Variants in CATSPERE observed in about 807,000 individuals in gnomAD.
CATSPERE encodes cation channel sperm-associated auxiliary subunit epsilon.
CATSPERE carries 93 observed loss-of-function variants against 114.1 expected under a neutral mutation model. The ratio of observed to expected loss-of-function variants is 0.81; its 90% CI spans 0.69 to 0.97. CATSPERE has a LOEUF of 0.97. CATSPERE is among the 50% of genes least tolerant of loss of function. CATSPERE has a pLI of 0.00. For missense variants in CATSPERE, 1,058 were observed against 1,131.6 expected, an observed-to-expected ratio of 0.93 and a Z score of 0.93; for synonymous variants, 341 against 384.1, an observed-to-expected ratio of 0.89 and a Z score of 1.31.
chr1:244,583,195 ATGTT>A (rs978737004), intron 12 of CATSPERE, among the ~76,000 whole-genome samples: 40 of 152,002 alleles, frequency 2.6e-4, no homozygotes, highest in African/African-American at 7.5e-4. Context: ...GACACTTTTT[ATGTT>A]TGTTTGTCCT....
chr1:244,580,368 T>C (rs1245468700), intron 11 of CATSPERE, among the ~76,000 whole-genome samples: 1 of 152,062 alleles, frequency 6.6e-6, no homozygotes, highest in Non-Finnish European at 1.5e-5. Context: ...CTATAGGAAT[T>C]GAGGCTCAAT....
At chr1:244,499,386 C>T (rs1264537875) in intron 7 of CATSPERE, among the ~76,000 whole-genome samples, 1 of 151,768 alleles carries the variant, frequency 6.6e-6, no homozygotes, top group Non-Finnish European at 1.5e-5. Flanking sequence ...GCAGTTTTGT[C>T]ACATAGGTAT....
intron 19 of CATSPERE, among the ~76,000 whole-genome samples, chr1:244,613,211 T>C (rs1202359855): frequency 6.6e-6 from 1 of 152,174 alleles, no homozygotes; most frequent in African/African-American, 2.4e-5. Context: ...AGTAACTTGG[T>C]AGGACAAGTT....
At chr1:244,456,902 AAC>A (rs1166303697), upstream of CATSPERE, among the ~76,000 whole-genome samples, 1 of 152,218 alleles carries the variant, frequency 6.6e-6, no homozygotes, top group African/African-American at 2.4e-5. Flanking sequence ...TTACTGGAGA[AAC>A]AGTTTTACAT....
chr1:244,639,924 TCAGTCCAAG>T lies in CATSPERE; in HGVS notation c.2703-3_2708del. On this transcript the variant is annotated splice_acceptor_variant and splice_polypyrimidine_tract_variant and coding_sequence_variant and intron_variant, in exon 22 of 22. Coordinates refer to ENST00000366534, the MANE Select transcript of CATSPERE (RefSeq NM_001130957.2). LOFTEE classifies it high-confidence loss of function. ...ATGCCTTTTTTTTTTTTTTCTGATT[TCAGTCCAAG>T]TGTCTACCTGGTAGCTTCTTTCCTC... 1 of 1,528,242 alleles carries T rather than the reference TCAGTCCAAG, an allele frequency of 6.5e-7. No individual in the cohort carries two copies. 94.7% of individuals were successfully genotyped at this position (1,528,242 alleles called of 1,614,324 possible). A position where few individuals can be genotyped will look rare whatever the true frequency, so the allele number is the denominator to read the frequency against.
chr1:244,451,909 G>A, upstream of CATSPERE: 1 of 1,318,068 alleles, frequency 7.6e-7, no homozygotes, highest in Non-Finnish European at 1.0e-6. This position sits in a 1 kb window ranked among gnomAD's most constrained non-coding sequence, Gnocchi z 6.6. Flanking sequence ...CACATGCAGA[G>A]GAAGAAGGAG....
intron 2 of CATSPERE, among the ~76,000 whole-genome samples, chr1:244,474,301 G>T (rs1407663994): frequency 6.6e-6 from 1 of 151,932 alleles, no homozygotes; most frequent in Non-Finnish European, 1.5e-5. Context: ...CAAAGTACTG[G>T]GATTATAGGC....
intron 7 of CATSPERE, among the ~76,000 whole-genome samples, chr1:244,514,244 T>C (rs1328836243): frequency 6.6e-6 from 1 of 152,200 alleles, no homozygotes; most frequent in African/African-American, 2.4e-5. Context: ...GAATTAACTA[T>C]TGATAATGCC....
At chr1:244,605,913 A>T (rs1669927516) in intron 18 of CATSPERE, 119 bp downstream of exon 18, 1 of 575,638 alleles carries the variant, frequency 1.7e-6, no homozygotes, top group Non-Finnish European at 2.9e-6. Flanking sequence ...GGTAGGAAAA[A>T]AATCACCTCT....
chr1:244,484,504 T>C (rs543406600), intron 5 of CATSPERE, among the ~76,000 whole-genome samples: 43 of 152,362 alleles, frequency 2.8e-4, no homozygotes, highest in African/African-American at 9.4e-4. Context: ...AGCGGTCTTA[T>C]GCATCTTCTG....
In CATSPERE at chr1:244,583,928, A is replaced by G. The variant is rs376236993; in HGVS notation, c.2074A>G (p.Ile692Val). ...RPSEYSKACPIAQKVFQIAVG... is the reference protein window; with the variant it reads ...RPSEYSKACPVAQKVFQIAVG... ...TAGTGAATATTCAAAAGCATGTCCAATAGCCCAAAAGGTAAGCGACATGGG... is the reference window on the plus strand; with the variant it reads ...TAGTGAATATTCAAAAGCATGTCCAGTAGCCCAAAAGGTAAGCGACATGGG... Residue 692 changes from isoleucine (I) to valine (V), a missense_variant, in exon 13 of 22, where the codon ATA becomes GTA. Physicochemically the swap from Ile to Val is conservative, Grantham distance 29. This residue lies in a region of CATSPERE where 787 missense variants were observed against 905.6 expected (regional missense o/e 0.87). Coordinates refer to ENST00000366534, the MANE Select transcript of CATSPERE (RefSeq NM_001130957.2). 43 of 1,613,988 alleles carry G rather than the reference A, an allele frequency of 2.7e-5. No homozygotes were observed. The highest frequency in any genetic ancestry group is 1.7e-4 in the African/African-American group (13 of 74,916).
At chr1:244,511,860 T>C (rs1675821860) in intron 7 of CATSPERE, among the ~76,000 whole-genome samples, 1 of 152,192 alleles carries the variant, frequency 6.6e-6, no homozygotes, top group Non-Finnish European at 1.5e-5. Flanking sequence ...GACTGTATCA[T>C]CTCATTCTCT....
chr1:244,535,201 T>G (rs1394676371), intron 8 of CATSPERE, among the ~76,000 whole-genome samples: 1 of 152,238 alleles, frequency 6.6e-6, no homozygotes, highest in Non-Finnish European at 1.5e-5. Flanking sequence ...GGGACTGCAC[T>G]GGGTCAGACC....
chr1:244,458,007 T>G (rs1319963757), upstream of CATSPERE, among the ~76,000 whole-genome samples: 1 of 152,202 alleles, frequency 6.6e-6, no homozygotes, highest in African/African-American at 2.4e-5. Context: ...GGTAAATGTC[T>G]TTGTCAATTG....
chr1:244,545,466 T>C (rs1046945282), intron 8 of CATSPERE, among the ~76,000 whole-genome samples: 1 of 152,210 alleles, frequency 6.6e-6, no homozygotes, highest in African/African-American at 2.4e-5. Flanking sequence ...CTCTGCCACT[T>C]GGGCCATTTG....
chr1:244,486,904 G>A (rs1173283059), intron 5 of CATSPERE, among the ~76,000 whole-genome samples: 2 of 113,010 alleles, frequency 1.8e-5, no homozygotes, highest in African/African-American at 3.4e-5. Context: ...AGCATGTGGA[G>A]TACTCGTGGG....
chr1:244,582,288 C>T (rs948710168), intron 12 of CATSPERE, among the ~76,000 whole-genome samples: 1 of 152,144 alleles, frequency 6.6e-6, no homozygotes, highest in African/African-American at 2.4e-5. Context: ...TGGAGGAAGA[C>T]AACCAACATG....
At chr1:244,471,795 G>C (rs757675988) in intron 2 of CATSPERE, among the ~76,000 whole-genome samples, 1 of 152,118 alleles carries the variant, frequency 6.6e-6, no homozygotes, top group African/African-American at 2.4e-5. Context: ...GGCCATTTGG[G>C]TTATTTCCAA....
At chr1:244,456,348 T>C (rs1228590564), upstream of CATSPERE, among the ~76,000 whole-genome samples, 1 of 151,984 alleles carries the variant, frequency 6.6e-6, no homozygotes, top group Non-Finnish European at 1.5e-5. Flanking sequence ...GGCTCCACCC[T>C]GAAGCCAGTA....
Sources: gnomAD v4.1 joint callset for allele counts (sites outside exome capture counted in the v4.1 genomes callset) on GRCh38, gnomAD v4.1.1 for gene constraint, gnomAD v4.1.1 regional missense constraint, Gnocchi (gnomAD v3.1) non-coding constraint, MANE v1.5 for transcripts, NCBI Gene and HGNC (gene_info 2026-07-23, HGNC 2026-07-21) for gene names.